DOT1L: variants seen among roughly 807,000 people sequenced by gnomAD.
DOT1L encodes histone-lysine N-methyltransferase, H3 lysine-79 specific.
Under a neutral mutation model 153.3 loss-of-function variants are expected in DOT1L, and 33 were observed. The observed-to-expected ratio is 0.22, with a 90% CI of 0.16 to 0.29. The LOEUF (loss-of-function observed/expected upper bound fraction) is 0.29, where lower values mean the gene tolerates loss of function less well. Ranked by LOEUF, DOT1L falls within the 10% of genes least tolerant of loss-of-function variation. DOT1L has a pLI of 1.00. For synonymous variants in DOT1L, 1,135 were observed against 965.1 expected (o/e 1.18, Z -3.26); for missense variants, 1,847 against 2,119.9 (o/e 0.87, Z 2.53).
intron 5 of DOT1L, among the ~76,000 whole-genome samples, chr19:2,192,894 C>T (rs1422008050): frequency 3.3e-5 from 5 of 152,318 alleles, no homozygotes; most frequent in African/African-American, 7.2e-5. Context: ...TAGATGATGA[C>T]GGCCTAGCAC....
chr19:2,221,687 G>A lies in DOT1L; in HGVS notation c.2807-289G>A, dbSNP rs1445369620. 2.6e-5 allele frequency: 12 copies of A among 460,692 alleles called. No individual in the cohort carries two copies. In the Admixed American group the frequency reaches 4.5e-4, roughly 17 times the overall value. The allele number at this position is 460,692 out of a possible 1,614,324, so 28.5% of individuals were successfully genotyped here. A position where few individuals can be genotyped will look rare whatever the true frequency, so the allele number is the denominator to read the frequency against. The stretch of plus-strand genomic sequence containing the variant: ...TACTCAGAGGAAGCCTAGCTCAGCG[G>A]GGAGCCCGCACCAGGAGGCTTCTTG... On this transcript the variant is annotated intron_variant, in intron 23 of 27. Transcript: ENST00000398665.
At chr19:2,206,431 G>A (rs2023497049) in intron 9 of DOT1L, among the ~76,000 whole-genome samples, 1 of 150,654 alleles carries the variant, frequency 6.6e-6, no homozygotes, top group Non-Finnish European at 1.5e-5. Flanking sequence ...GGTGGTGTGC[G>A]CCTGTAATCA....
intron 3 of DOT1L, among the ~76,000 whole-genome samples, chr19:2,187,888 C>A (rs995096144): frequency 6.7e-6 from 1 of 149,372 alleles, no homozygotes; most frequent in South Asian, 2.1e-4. Context: ...CGCCACCGCA[C>A]TCCAGCCTGG....
chr19:2,223,215 G>T (rs1462635126), intron 24 of DOT1L, 66 bp from the exon 25 acceptor site: 8 of 1,567,188 alleles, frequency 5.1e-6, no homozygotes, highest in Non-Finnish European at 5.2e-6. Context: ...CTGGGGCGGG[G>T]GGGCTCTCCT....
chr19:2,165,114 G>A (rs1486448723), intron 1 of DOT1L, among the ~76,000 whole-genome samples: 1 of 152,196 alleles, frequency 6.6e-6, no homozygotes, highest in African/African-American at 2.4e-5. Flanking sequence ...CTGAGGAGGC[G>A]GGGCGCGTGC....
At position 2,231,502 on chromosome 19, in the gene DOT1L, A is replaced by AACAACCTCTCAGACCC; in HGVS notation, c.*1711_*1726dup. The AACAACCTCTCAGACCC allele has an allele frequency of 6.3e-6, 1 of 157,818 alleles. No homozygotes were observed. The highest frequency in any genetic ancestry group is 1.3e-5 in the Non-Finnish European group (1 of 75,944). 9.8% of individuals were successfully genotyped at this position (157,818 alleles called of 1,614,324 possible). ...GGGGGTGCTGCCTCCCCCAGCCCCC[A>AACAACCTCTCAGACCC]ACAACCTCTCAGACCCCCACCCTCC... On this transcript the variant is annotated 3_prime_UTR_variant, in exon 28 of 28. Coordinates refer to ENST00000398665, the MANE Select transcript of DOT1L (RefSeq NM_032482.3).
chr19:2,196,545 C>T (rs561479355), intron 7 of DOT1L, among the ~76,000 whole-genome samples: 17 of 152,092 alleles, frequency 1.1e-4, no homozygotes, highest in African/African-American at 3.4e-4. Context: ...GTTGGTCAGG[C>T]GGGTCTCAAA....
chr19:2,206,623 A>AGT lies in DOT1L; in HGVS notation c.788-95_788-94dup, dbSNP rs1027523248. The AGT allele has an allele frequency of 2.8e-5, 30 of 1,075,406 alleles. No individual in the cohort carries two copies. In the East Asian group the frequency reaches 3.5e-4, roughly 13 times the overall value. 66.6% of individuals were successfully genotyped at this position (1,075,406 alleles called of 1,614,324 possible). A position where few individuals can be genotyped will look rare whatever the true frequency, so the allele number is the denominator to read the frequency against. On this transcript the variant is annotated intron_variant, in intron 9 of 27. Transcript: ENST00000398665. ...GGCAGGTGGACAGGACCCGGAGCCC[A>AGT]GTGTGTGTGTGTTCCGTGTCATTGT...
chr19:2,199,026 G>A lies in DOT1L; in HGVS notation c.652-858G>A, dbSNP rs150492115. Among the ~76,000 whole-genome samples the A allele has an allele frequency of 7.2e-5, 11 of 152,350 alleles. No individual in the cohort carries two copies. In the East Asian group the frequency reaches 2.1e-3, roughly 29 times the overall value. On this transcript the variant is annotated intron_variant, in intron 7 of 27. Transcript: ENST00000398665. ...GTTGTGTTGGCTTTTGGAGGCATTT[G>A]TGTCCGGGCTTTTGTGTGGACATGT...
chr19:2,164,086 T>TG lies in DOT1L; in HGVS notation c.-99_-98insG. 8.9e-6 allele frequency: 1 copy of TG among 111,796 alleles called. No homozygotes were observed. Among genetic ancestry groups the TG allele is most frequent in the Non-Finnish European group, 1.9e-5 (1 of 52,308 alleles). 6.9% of individuals were successfully genotyped at this position (111,796 alleles called of 1,614,324 possible). A position where few individuals can be genotyped will look rare whatever the true frequency, so the allele number is the denominator to read the frequency against. On this transcript the variant is annotated 5_prime_UTR_variant, in exon 1 of 28. Coordinates refer to ENST00000398665, the MANE Select transcript of DOT1L (RefSeq NM_032482.3). The stretch of plus-strand genomic sequence containing the variant: ...GAGGCCAGGCCCCCTCCCCTCAGCC[T>TG]CCCGCCCCTCCCTCCCGCCCGCCCT...
At chr19:2,201,743 C>T (rs759925702) in intron 8 of DOT1L, among the ~76,000 whole-genome samples, 5 of 152,246 alleles carry the variant, frequency 3.3e-5, no homozygotes, top group Admixed American at 3.3e-4. Context: ...AGATTTCTGG[C>T]GTCCCGTTGA....
rs1297334624 is a variant in DOT1L at position 2,227,183 on chromosome 19, T to C, written c.4606+56T>C. On this transcript the variant is annotated intron_variant, in intron 27 of 27. Coordinates refer to ENST00000398665, the MANE Select transcript of DOT1L (RefSeq NM_032482.3). ...GCCCCGGCCCCCGCCGGAGGCCCCT[T>C]CCTTTGCAGGTTCCCTTCCGCACTC... 1.9e-6 allele frequency: 3 copies of C among 1,578,198 alleles called. No individual in the cohort carries two copies. In the East Asian group the frequency reaches 6.8e-5, roughly 36 times the overall value.
At chr19:2,174,570 C>G (rs2021816336) in intron 1 of DOT1L, among the ~76,000 whole-genome samples, 1 of 152,170 alleles carries the variant, frequency 6.6e-6, no homozygotes, top group East Asian at 1.9e-4. Context: ...CCTGTAATCC[C>G]AGCTACTTGG....
At chr19:2,165,079 C>G (rs1293419696) in intron 1 of DOT1L, among the ~76,000 whole-genome samples, 1 of 152,202 alleles carries the variant, frequency 6.6e-6, no homozygotes, top group South Asian at 2.1e-4. Flanking sequence ...GTGCGGCTCC[C>G]GGGGTGCGAG....
In DOT1L at chr19:2,226,588, A is replaced by C; in HGVS notation, c.4067A>C (p.Gln1356Pro). 3.1e-6 allele frequency: 5 copies of C among 1,599,792 alleles called. No individual in the cohort carries two copies. Among genetic ancestry groups the C allele is most frequent in the Non-Finnish European group, 4.2e-6 (5 of 1,177,696 alleles). The change falls in exon 27 of 28, where the codon CAG becomes CCG. Residue 1356 changes from glutamine (Q) to proline (P), a missense_variant. Physicochemically the swap from Gln to Pro is moderately conservative, Grantham distance 76 (BLOSUM62 -1). Transcript: ENST00000398665. ...AGCTCCCCGCTGAGCTTCCCCTCGC[A>C]GCGCGGCAAGGAGGGCTCGGACGCC... ...GLSSPLSFPS[Q>P]RGKEGSDANP...
chr19:2,188,614 G>A (rs1246925363), intron 3 of DOT1L, among the ~76,000 whole-genome samples: 1 of 151,654 alleles, frequency 6.6e-6, no homozygotes, highest in East Asian at 1.9e-4. Flanking sequence ...TCTCTTGCTT[G>A]CCTCGCCACA....
At chr19:2,195,501 C>T (rs1348193247) in intron 7 of DOT1L, among the ~76,000 whole-genome samples, 5 of 152,140 alleles carry the variant, frequency 3.3e-5, no homozygotes, top group Middle Eastern at 3.2e-3. Flanking sequence ...TGCAGCTGCT[C>T]CCGTGATGTG....
Position 2,226,186 on chromosome 19 carries a change from G to C in DOT1L, c.3665G>C (p.Gly1222Ala). 6.6e-7 allele frequency: 1 copy of C among 1,515,428 alleles called. No homozygotes were observed. The highest frequency in any genetic ancestry group is 8.8e-7 in the Non-Finnish European group (1 of 1,130,166). The allele number at this position is 1,515,428 out of a possible 1,614,324, so 93.9% of individuals were successfully genotyped here. A position where few individuals can be genotyped will look rare whatever the true frequency, so the allele number is the denominator to read the frequency against. ...KSPPKTLENG[G>A]GLAGRKPAPA... ...TTCTGCCTTTCCTCTTTGCCAGGTG[G>C]TGGCTTGGCGGGAAGGAAGCCCGCG... The change falls in exon 27 of 28, where the codon GGT (glycine) becomes GCT (alanine). Residue 1222 changes from glycine (G) to alanine (A), a missense_variant. Gly to Ala is a moderately conservative substitution (Grantham distance 60). Coordinates refer to ENST00000398665, the MANE Select transcript of DOT1L (RefSeq NM_032482.3).
chr19:2,189,063 G>A (rs1435172072), intron 3 of DOT1L, among the ~76,000 whole-genome samples: 1 of 152,176 alleles, frequency 6.6e-6, no homozygotes, highest in Admixed American at 6.5e-5. Flanking sequence ...GCTGCGGGGG[G>A]ACTGAGTCTC....
Sources: gnomAD v4.1 joint callset for allele counts (sites outside exome capture counted in the v4.1 genomes callset) on GRCh38, gnomAD v4.1.1 for gene constraint, MANE v1.5 for transcripts, NCBI Gene and HGNC (gene_info 2026-07-23, HGNC 2026-07-21) for gene names.